The following TGIF2 variants were observed in gnomAD, a reference collection of about 807,000 sequenced individuals.
TGIF2 encodes homeobox protein TGIF2.
In TGIF2, 5 loss-of-function variants were observed where a neutral mutation model predicts 15.1. That is an observed-to-expected ratio of 0.33 (90% CI 0.17 to 0.70). The LOEUF is 0.70. Among genes scored for constraint, TGIF2 ranks in the 30% least tolerant of loss-of-function variants. The pLI is 0.67. For missense variants in TGIF2, 264 were observed against 302.5 expected, an observed-to-expected ratio of 0.87 and a Z score of 0.94; for synonymous variants, 131 against 128.9, an observed-to-expected ratio of 1.02 and a Z score of -0.11.
chr20:36,575,927 T>C (rs1324088634), intron 1 of TGIF2, among the ~76,000 whole-genome samples: 7 of 150,560 alleles, frequency 4.6e-5, no homozygotes, highest in Non-Finnish European at 1.0e-4. Context: ...ACCCTGTCTC[T>C]ACTAAAAAAA....
chr20:36,590,446 G>A (rs1452936867), intron 2 of TGIF2, among the ~76,000 whole-genome samples: 13 of 152,198 alleles, frequency 8.5e-5, no homozygotes, highest in Non-Finnish European at 4.4e-5. Flanking sequence ...TAGAGACAGG[G>A]TTTCACTATG....
rs2038786484 is a variant in TGIF2 at position 36,592,580 on chromosome 20, A to G, written c.*1149A>G. Reference sequence around the variant, plus strand: ...GTCCTCCAGAGAGGCAGCTTTTCCCACAATGGTGGCAGGAAACTTTGGGGA... The same window carrying G: ...GTCCTCCAGAGAGGCAGCTTTTCCCGCAATGGTGGCAGGAAACTTTGGGGA... On this transcript the variant is annotated 3_prime_UTR_variant, in exon 3 of 3. Transcript: ENST00000373872. The G allele has an allele frequency of 6.6e-6, 1 of 152,558 alleles. No individual in the cohort carries two copies. The highest frequency in any genetic ancestry group is 1.5e-5 in the Non-Finnish European group (1 of 68,042). The allele number at this position is 152,558 out of a possible 1,614,324, so 9.5% of individuals were successfully genotyped here.
chr20:36,574,198 G>C lies in TGIF2; in HGVS notation c.-35+453G>C, dbSNP rs546044922. Among the ~76,000 whole-genome samples the C allele has an allele frequency of 5.1e-4, 77 of 151,930 alleles. No homozygotes were observed. In the East Asian group the frequency reaches 9.9e-3, roughly 20 times the overall value. On this transcript the variant is annotated intron_variant, in intron 1 of 2. Transcript: ENST00000373872. Reference sequence around the variant, plus strand: ...GGGGGCCGCGGGAAGGGCCCGGAGCGGGGGGGCCCTGGGGAGCCCGCGCGA... The same window carrying C: ...GGGGGCCGCGGGAAGGGCCCGGAGCCGGGGGGCCCTGGGGAGCCCGCGCGA...
chr20:36,578,488 C>G (rs78356785), intron 1 of TGIF2, among the ~76,000 whole-genome samples: 1 of 152,010 alleles, frequency 6.6e-6, no homozygotes, highest in East Asian at 1.9e-4. Context: ...TCAGTAGAAG[C>G]TGTAATTGTT....
chr20:36,578,374 C>T (rs556916337), intron 1 of TGIF2, among the ~76,000 whole-genome samples: 1 of 150,734 alleles, frequency 6.6e-6, no homozygotes, highest in South Asian at 2.1e-4. Flanking sequence ...GATGGCGCCA[C>T]TGCACTCTAG....
rs193015497 is a variant in TGIF2 at position 36,576,942 on chromosome 20, C to T, written c.-34-1799C>T. Among the ~76,000 whole-genome samples, 49 of 152,164 alleles carry T rather than the reference C, an allele frequency of 3.2e-4. No homozygotes were observed. The East Asian group carries it at 9.1e-3, about 28-fold the overall frequency. Reference sequence around the variant, plus strand: ...CTGGTCTTGAACTACTGAGCTCAAGCGATCCACCTGCCTTGGCCTCCCAAA... The same window carrying T: ...CTGGTCTTGAACTACTGAGCTCAAGTGATCCACCTGCCTTGGCCTCCCAAA... On this transcript the variant is annotated intron_variant, in intron 1 of 2. Transcript: ENST00000373872.
intron 2 of TGIF2, among the ~76,000 whole-genome samples, chr20:36,586,183 T>C (rs2038654664): frequency 6.6e-6 from 1 of 152,194 alleles, no homozygotes; most frequent in African/African-American, 2.4e-5. Flanking sequence ...TCTCAAGGCC[T>C]TTCATCTGTG....
chr20:36,590,819 A>G (rs1198908537), intron 2 of TGIF2, 91 bp from the exon 3 acceptor site: 2 of 1,400,400 alleles, frequency 1.4e-6, no homozygotes, highest in African/African-American at 2.9e-5. Context: ...TTGGCCACCC[A>G]AAGTGTTGGG....
At chr20:36,585,830 A>G (rs538855160) in intron 2 of TGIF2, among the ~76,000 whole-genome samples, 2 of 152,244 alleles carry the variant, frequency 1.3e-5, no homozygotes, top group East Asian at 3.9e-4. Context: ...TACTGTAACA[A>G]TGGTTGGGGA....
At chr20:36,575,190 G>C (rs2038401154) in intron 1 of TGIF2, among the ~76,000 whole-genome samples, 1 of 151,988 alleles carries the variant, frequency 6.6e-6, no homozygotes. Context: ...GAAAACCCTA[G>C]GGTTTGTAAG....
chr20:36,583,032 T>C (rs191549463), intron 2 of TGIF2, among the ~76,000 whole-genome samples: 100 of 152,142 alleles, frequency 6.6e-4, no homozygotes, highest in Middle Eastern at 6.8e-3. Flanking sequence ...TTCCAGCACT[T>C]TGGGAGGCTG....
In TGIF2 at chr20:36,591,668, C is replaced by T. The variant is rs1285476306; in HGVS notation, c.*237C>T. On this transcript the variant is annotated 3_prime_UTR_variant, in exon 3 of 3. Transcript: ENST00000373872. This position sits in a 1 kb window ranked among gnomAD's most constrained non-coding sequence, Gnocchi z 5.3. Reference sequence around the variant, plus strand: ...CCGCTCAGTGATGAGACCAAGAGATCGGAGACAAGCATGGTGCTGCTGCTT... The same window carrying T: ...CCGCTCAGTGATGAGACCAAGAGATTGGAGACAAGCATGGTGCTGCTGCTT... The T allele has an allele frequency of 7.2e-5, 32 of 442,530 alleles. No individual in the cohort carries two copies. The highest frequency in any genetic ancestry group is 1.2e-4 in the Non-Finnish European group (29 of 247,088). 27.4% of individuals were successfully genotyped at this position (442,530 alleles called of 1,614,324 possible).
At chr20:36,575,863 C>T (rs6028179) in intron 1 of TGIF2, among the ~76,000 whole-genome samples, 9 of 151,910 alleles carry the variant, frequency 5.9e-5, no homozygotes, top group South Asian at 2.1e-4. Flanking sequence ...GAGGCCGAGG[C>T]GGGCAGATCA....
chr20:36,589,278 A>G (rs1373344716), intron 2 of TGIF2, among the ~76,000 whole-genome samples: 1 of 152,120 alleles, frequency 6.6e-6, no homozygotes, highest in East Asian at 1.9e-4. Flanking sequence ...TGTCTGTTTA[A>G]TTCACAAAGG....
chr20:36,576,101 A>AAAAGAAAG (rs533825772), intron 1 of TGIF2, among the ~76,000 whole-genome samples: 4 of 150,154 alleles, frequency 2.7e-5, no homozygotes, highest in East Asian at 1.9e-4. Flanking sequence ...CAAAAAAAAA[A>AAAAGAAAG]AAAGAAAGAA....
intron 2 of TGIF2, among the ~76,000 whole-genome samples, chr20:36,587,671 A>G (rs1186331205): frequency 3.3e-5 from 5 of 152,158 alleles, no homozygotes; most frequent in Admixed American, 2.0e-4. Flanking sequence ...TGTGACCTTC[A>G]ACAAGTTTCT....
intron 1 of TGIF2, among the ~76,000 whole-genome samples, chr20:36,577,180 TTTTA>T (rs1441588824): frequency 1.3e-5 from 2 of 151,664 alleles, no homozygotes; most frequent in Admixed American, 1.3e-4. Flanking sequence ...CTGGGCTAAT[TTTTA>T]TTTTATTTTA....
chr20:36,583,718 G>A (rs1052687751), intron 2 of TGIF2, among the ~76,000 whole-genome samples: 1 of 152,114 alleles, frequency 6.6e-6, no homozygotes, highest in African/African-American at 2.4e-5. Flanking sequence ...CCAACATGGC[G>A]AAACCCCGTC....
Position 36,588,070 on chromosome 20 carries a change from TAA to T in TGIF2, c.193-2824_193-2823del, listed in dbSNP as rs542114970. On this transcript the variant is annotated intron_variant, in intron 2 of 2. Coordinates refer to ENST00000373872, the MANE Select transcript of TGIF2 (RefSeq NM_021809.7). The stretch of plus-strand genomic sequence containing the variant: ...GGGTGACAGAGTGAGACCCTGTCTT[TAA>T]AAAAAAAAAAAAAAAGCACAGCAAA... Among the ~76,000 whole-genome samples the T allele has an allele frequency of 8.1e-3, 1,068 of 131,670 alleles. 10 individuals carry two copies. Among genetic ancestry groups the T allele is most frequent in the African/African-American group, 0.025 (890 of 36,300 alleles). 86.4% of individuals were successfully genotyped at this position (131,670 alleles called of 152,430 possible).
Sources: gnomAD v4.1 joint callset for allele counts (sites outside exome capture counted in the v4.1 genomes callset) on GRCh38, gnomAD v4.1.1 for gene constraint, Gnocchi (gnomAD v3.1) non-coding constraint, MANE v1.5 for transcripts, NCBI Gene and HGNC (gene_info 2026-07-23, HGNC 2026-07-21) for gene names.